The following TANC1 variants were observed in gnomAD, a reference collection of about 807,000 sequenced individuals.
The protein encoded by TANC1 is protein TANC1.
In TANC1, 77 loss-of-function variants were observed where a neutral mutation model predicts 149.7. The observed-to-expected ratio is 0.51, with a 90% confidence interval of 0.43 to 0.62. The LOEUF (loss-of-function observed/expected upper bound fraction) is 0.62, where lower values mean the gene tolerates loss of function less well. Ranked by LOEUF, TANC1 falls within the 20% of genes least tolerant of loss-of-function variation. TANC1 has a pLI of 0.00. For synonymous variants in TANC1, 854 were observed against 925.0 expected (o/e 0.92, Z 1.39); for missense variants, 1,985 against 2,321.8 (o/e 0.85, Z 2.98).
intron 4 of TANC1, among the ~76,000 whole-genome samples, chr2:159,114,672 A>G (rs936522039): frequency 6.6e-6 from 1 of 152,190 alleles, no homozygotes; most frequent in Non-Finnish European, 1.5e-5. Flanking sequence ...TTTTTATGGT[A>G]TACTTTTCCT....
At chr2:159,150,340 T>G in intron 6 of TANC1, 30 bp from the exon 7 acceptor site, 1 of 1,601,526 alleles carries the variant, frequency 6.2e-7, no homozygotes, top group East Asian at 2.2e-5. Flanking sequence ...GTGTAAGCCG[T>G]GCTAACTCCT....
chr2:159,004,415 C>G, intron 2 of TANC1: 1 of 905,782 alleles, frequency 1.1e-6, no homozygotes, highest in East Asian at 2.4e-5. Flanking sequence ...TCACCTGTTA[C>G]TAGTTCAGTA....
intron 4 of TANC1, among the ~76,000 whole-genome samples, chr2:159,100,225 C>T (rs530632206): frequency 1.3e-5 from 2 of 152,262 alleles, no homozygotes; most frequent in Admixed American, 1.3e-4. Context: ...ACCTGAGAGA[C>T]TTCAGGGAAG....
chr2:159,083,977 C>CA (rs1207568901), intron 3 of TANC1, among the ~76,000 whole-genome samples: 2 of 151,978 alleles, frequency 1.3e-5, no homozygotes, highest in African/African-American at 4.8e-5. Flanking sequence ...ATCAGCTGGG[C>CA]ATGGTGGCTT....
At chr2:159,183,319 G>C (rs1397442245) in intron 14 of TANC1, among the ~76,000 whole-genome samples, 9 of 152,234 alleles carry the variant, frequency 5.9e-5, no homozygotes, top group African/African-American at 1.9e-4. Context: ...ATAGCCGTCT[G>C]TCCCAGGCAG....
chr2:159,044,637 AT>A (rs1183005918), intron 2 of TANC1, among the ~76,000 whole-genome samples: 1 of 151,978 alleles, frequency 6.6e-6, no homozygotes, highest in Non-Finnish European at 1.5e-5. Flanking sequence ...AAGACTGGCT[AT>A]TTATGCCTAG....
intron 7 of TANC1, among the ~76,000 whole-genome samples, chr2:159,159,028 G>A (rs1409512366): frequency 1.3e-5 from 2 of 152,214 alleles, no homozygotes; most frequent in Non-Finnish European, 2.9e-5. Flanking sequence ...TCAGGTTACA[G>A]TTAGCTTTCT....
chr2:159,189,385 T>C (rs553829409), intron 16 of TANC1, among the ~76,000 whole-genome samples: 155 of 152,274 alleles, frequency 1.0e-3, no homozygotes, highest in South Asian at 1.9e-3. Flanking sequence ...TGCAGGGTGA[T>C]GTGGACAGGA....
Position 159,125,612 on chromosome 2 carries a change from CAG to C in TANC1, c.260-10579_260-10578del, listed in dbSNP as rs1326927698. 3.9e-5 allele frequency among the ~76,000 whole-genome samples: 5 copies of C among 127,572 alleles called. No homozygotes were observed. The Admixed American group carries it at 4.4e-4, about 11-fold the overall frequency. The allele number at this position is 127,572 out of a possible 152,430, so 83.7% of individuals were successfully genotyped here. On this transcript the variant is annotated intron_variant, in intron 4 of 26. Coordinates refer to ENST00000263635, the MANE Select transcript of TANC1 (RefSeq NM_033394.3). ...CTTCCTTCCTTCCTTCCTTTTTTGA[CAG>C]AGTCTTACTCTGTTGCCCAGGCTGG... is the stretch of plus-strand genomic sequence containing the variant.
In TANC1 at chr2:159,224,343, C is replaced by A. The variant is rs1190750211; in HGVS notation, c.3790C>A (p.Leu1264Ile). ...CRNTSVVVAL[L>I]RKGAKLGNAA... ...GAACACATCTGTAGTGGTGGCGCTA[C>A]TCAGAAAGGGAGCCAAGTTAGGTCA... The change falls in exon 23 of 27, where the codon CTC becomes ATC. Residue 1264 changes from leucine (L) to isoleucine (I), a missense_variant. Coordinates refer to ENST00000263635, the MANE Select transcript of TANC1 (RefSeq NM_033394.3). The A allele has an allele frequency of 2.5e-6, 4 of 1,614,038 alleles. No individual in the cohort carries two copies. The Admixed American group carries it at 6.7e-5, about 27-fold the overall frequency.
rs113568377 is a variant in TANC1, at chr2:159,068,006, C to CTA, written c.61+2036_61+2037insAT. The stretch of plus-strand genomic sequence containing the variant: ...TCATTTCTTCATAATAATTTCCACA[C>CTA]TGGCTTTTTCACTAATACAAACCAA... On this transcript the variant is annotated intron_variant, in intron 3 of 26. Transcript: ENST00000263635. Among the ~76,000 whole-genome samples, 1,195 of 152,316 alleles carry CTA rather than the reference C, an allele frequency of 7.8e-3. 14 individuals carry two copies. Among genetic ancestry groups the CTA allele is most frequent in the African/African-American group, 0.027 (1,112 of 41,558 alleles).
In TANC1 at chr2:159,231,215, T is replaced by A. The variant is rs1054918979; in HGVS notation, c.*203T>A. 2 of 498,660 alleles carry A rather than the reference T, an allele frequency of 4.0e-6. No individual in the cohort carries two copies. Among genetic ancestry groups the A allele is most frequent in the South Asian group, 3.3e-5 (1 of 30,358 alleles). The allele number at this position is 498,660 out of a possible 1,614,324, so 30.9% of individuals were successfully genotyped here. A position where few individuals can be genotyped will look rare whatever the true frequency, so the allele number is the denominator to read the frequency against. On this transcript the variant is annotated 3_prime_UTR_variant, in exon 27 of 27. Transcript: ENST00000263635. ...CCATAAATAAGAATGCTAAACAGAA[T>A]TGAAAATTATATCAACTTAAAATTT...
intron 2 of TANC1, among the ~76,000 whole-genome samples, chr2:159,016,575 T>A (rs1046084959): frequency 1.9e-4 from 28 of 148,170 alleles, no homozygotes; most frequent in African/African-American, 6.6e-4. Flanking sequence ...TTGGTCAAAA[T>A]TTTTTGTTTT....
At chr2:158,991,346 A>T (rs1334926972) in intron 1 of TANC1, among the ~76,000 whole-genome samples, 1 of 152,150 alleles carries the variant, frequency 6.6e-6, no homozygotes, top group East Asian at 1.9e-4. Context: ...CATCCATACG[A>T]TAGAGTGGAA....
chr2:159,044,530 G>A (rs750968456), intron 2 of TANC1, among the ~76,000 whole-genome samples: 1 of 152,016 alleles, frequency 6.6e-6, no homozygotes, highest in Non-Finnish European at 1.5e-5. Context: ...TGTCTCCAAT[G>A]CCTAGCATCT....
intron 4 of TANC1, among the ~76,000 whole-genome samples, chr2:159,108,740 A>G (rs549601241): frequency 6.6e-6 from 1 of 152,322 alleles, no homozygotes; most frequent in Admixed American, 6.5e-5. Context: ...GCAGAGGGGC[A>G]GCCAGGGTTG....
rs1179978185 is a variant in TANC1, at chr2:159,001,739, T to G, written c.-16+550T>G. Among the ~76,000 whole-genome samples, 1 of 152,186 alleles carries G rather than the reference T, an allele frequency of 6.6e-6. No individual in the cohort carries two copies. The highest frequency in any genetic ancestry group is 1.5e-5 in the Non-Finnish European group (1 of 68,028). On this transcript the variant is annotated intron_variant, in intron 2 of 26. Transcript: ENST00000263635. This position sits in a 1 kb window ranked among gnomAD's most constrained non-coding sequence, Gnocchi z 4.3. ...TGAGGAATCTCAGGTTTAACCAGAT[T>G]AGGCAACTTGCCCAAGGTCATACAT...
chr2:159,040,088 C>G (rs1022562642), intron 2 of TANC1, among the ~76,000 whole-genome samples: 2 of 152,152 alleles, frequency 1.3e-5, no homozygotes, highest in Non-Finnish European at 2.9e-5. Flanking sequence ...TTGTATTGAT[C>G]CCTTTACCAT....
intron 1 of TANC1, among the ~76,000 whole-genome samples, chr2:158,973,609 A>G (rs776895038): frequency 2.0e-5 from 3 of 152,222 alleles, no homozygotes; most frequent in African/African-American, 7.2e-5. Flanking sequence ...AAGGAGAGTT[A>G]CGGTTAGACC....
Sources: allele counts gnomAD v4.1 joint callset (sites outside exome capture counted in the v4.1 genomes callset), GRCh38; gene constraint gnomAD v4.1.1; non-coding constraint Gnocchi (gnomAD v3.1); transcripts MANE v1.5; gene names NCBI Gene and HGNC (gene_info 2026-07-23, HGNC 2026-07-21).